DPYSL5: variants seen among roughly 807,000 people sequenced by gnomAD.
The protein encoded by DPYSL5 is dihydropyrimidinase-related protein 5.
Under a neutral mutation model 58.4 loss-of-function variants are expected in DPYSL5, and 9 were observed. That is an observed-to-expected ratio of 0.15 (90% confidence interval 0.09 to 0.27). The LOEUF (loss-of-function observed/expected upper bound fraction) is 0.27. Ranked by LOEUF, DPYSL5 falls within the 10% of genes least tolerant of loss-of-function variation. The pLI is 1.00. For missense variants in DPYSL5, 499 were observed against 770.6 expected (o/e 0.65, Z 4.17); for synonymous variants, 293 against 301.9 (o/e 0.97, Z 0.31).
chr2:26,883,891 A>C (rs1292586301), intron 1 of DPYSL5, among the ~76,000 whole-genome samples: 1 of 152,214 alleles, frequency 6.6e-6, no homozygotes. Context: ...TGGTTAAGAA[A>C]ATACATCCTT....
intron 1 of DPYSL5, among the ~76,000 whole-genome samples, chr2:26,880,184 G>C (rs1362741193): frequency 6.6e-6 from 1 of 152,158 alleles, no homozygotes; most frequent in African/African-American, 2.4e-5. Context: ...CCATCACTGT[G>C]CCAGGCCCAT....
chr2:26,930,714 C>T (rs181637797), intron 5 of DPYSL5, among the ~76,000 whole-genome samples: 108 of 152,124 alleles, frequency 7.1e-4, no homozygotes, highest in African/African-American at 2.4e-3. Context: ...GTGGCTCACA[C>T]CTGTAATCCC....
At chr2:26,881,721 T>G (rs1663566819) in intron 1 of DPYSL5, among the ~76,000 whole-genome samples, 1 of 152,156 alleles carries the variant, frequency 6.6e-6, no homozygotes, top group Non-Finnish European at 1.5e-5. Context: ...ATCTGGTGCC[T>G]CTTTGAAGGG....
intron 2 of DPYSL5, among the ~76,000 whole-genome samples, chr2:26,899,173 T>A (rs1324705583): frequency 6.6e-6 from 1 of 152,138 alleles, no homozygotes; most frequent in Non-Finnish European, 1.5e-5. Flanking sequence ...CAAATTTGCT[T>A]CTTCTAGAGG....
At chr2:26,935,630 A>G (rs1665152438) in intron 8 of DPYSL5, among the ~76,000 whole-genome samples, 1 of 147,984 alleles carries the variant, frequency 6.8e-6, no homozygotes, top group Non-Finnish European at 1.5e-5. Flanking sequence ...CAGAGGTTGC[A>G]GTGAGCTAGG....
At chr2:26,906,233 G>T (rs1375201106) in intron 2 of DPYSL5, among the ~76,000 whole-genome samples, 1 of 150,264 alleles carries the variant, frequency 6.7e-6, no homozygotes, top group Non-Finnish European at 1.5e-5. Flanking sequence ...CACCAGGCTG[G>T]ACTGCAGTGG....
intron 2 of DPYSL5, among the ~76,000 whole-genome samples, chr2:26,901,945 C>T (rs1267491556): frequency 6.6e-6 from 1 of 152,040 alleles, no homozygotes; most frequent in African/African-American, 2.4e-5. Context: ...TCGCTGGCCC[C>T]AGCCTCTGAA....
intron 2 of DPYSL5, among the ~76,000 whole-genome samples, chr2:26,923,225 C>T (rs970502880): frequency 6.6e-6 from 1 of 152,074 alleles, no homozygotes; most frequent in Admixed American, 6.5e-5. Flanking sequence ...CAGCACTTTG[C>T]GAGGCCAAGG....
In DPYSL5 at chr2:26,925,867, G is replaced by C. The variant is rs1055731260; in HGVS notation, c.420+822G>C. Reference sequence around the variant, plus strand: ...GCCCCATGTACCAGTACTTTGGTGGGTGCCCCAGAATCATAAAAATAATAA... The same window carrying C: ...GCCCCATGTACCAGTACTTTGGTGGCTGCCCCAGAATCATAAAAATAATAA... On this transcript the variant is annotated intron_variant, in intron 3 of 12. Coordinates refer to ENST00000288699, the MANE Select transcript of DPYSL5 (RefSeq NM_020134.4). This position sits in a 1 kb window ranked among gnomAD's most constrained non-coding sequence, Gnocchi z 4.5. 6.6e-6 allele frequency among the ~76,000 whole-genome samples: 1 copy of C among 152,134 alleles called. No homozygotes were observed. The highest frequency in any genetic ancestry group is 2.4e-5 in the African/African-American group (1 of 41,480).
At chr2:26,889,791 A>C (rs1291410257) in intron 1 of DPYSL5, among the ~76,000 whole-genome samples, 1 of 151,386 alleles carries the variant, frequency 6.6e-6, no homozygotes, top group African/African-American at 2.4e-5. Flanking sequence ...CCACTCACCC[A>C]CCCTCTGCCT....
At position 26,877,479 on chromosome 2, in the gene DPYSL5, C is replaced by T. The variant is rs1197985983; in HGVS notation, c.-4-21017C>T. Among the ~76,000 whole-genome samples the T allele has an allele frequency of 1.3e-5, 2 of 152,070 alleles. No homozygotes were observed. Among genetic ancestry groups the T allele is most frequent in the African/African-American group, 2.4e-5 (1 of 41,396 alleles). ...TGTGCCTACTACATGTGCTCCACCC[C>T]ACACCTGCTGAGTACATGCTGGGAA... On this transcript the variant is annotated intron_variant, in intron 1 of 12. Transcript: ENST00000288699. The surrounding 1 kb of genome is among the most constrained non-coding windows in gnomAD (Gnocchi z 4.1).
intron 2 of DPYSL5, among the ~76,000 whole-genome samples, chr2:26,917,296 G>A (rs1428699727): frequency 1.3e-5 from 2 of 152,120 alleles, no homozygotes; most frequent in African/African-American, 4.8e-5. Context: ...AGGTAGGAGT[G>A]GAAAGTAAAA....
rs569395202 is a variant in DPYSL5 at position 26,849,411 on chromosome 2, C to T, written c.-5+1157C>T. Among the ~76,000 whole-genome samples the T allele has an allele frequency of 9.1e-4, 138 of 152,054 alleles. No individual in the cohort carries two copies. Among genetic ancestry groups the T allele is most frequent in the African/African-American group, 3.3e-3 (136 of 41,504 alleles). ...GGATCCTCAGCTCCAGGCGCGGGGCCCCGCGGCCCAGGTGGCCGGCTGGGC... is the reference window on the plus strand; with the variant it reads ...GGATCCTCAGCTCCAGGCGCGGGGCTCCGCGGCCCAGGTGGCCGGCTGGGC... On this transcript the variant is annotated intron_variant, in intron 1 of 12. Transcript: ENST00000288699. This position sits in a 1 kb window ranked among gnomAD's most constrained non-coding sequence, Gnocchi z 6.2.
Position 26,933,349 on chromosome 2 carries a change from T to G in DPYSL5, c.790+16T>G. 6.2e-7 allele frequency: 1 copy of G among 1,613,088 alleles called. No individual in the cohort carries two copies. On this transcript the variant is annotated intron_variant, in intron 7 of 12. Coordinates refer to ENST00000288699, the MANE Select transcript of DPYSL5 (RefSeq NM_020134.4). The surrounding 1 kb of genome is among the most constrained non-coding windows in gnomAD (Gnocchi z 4.2). ...AAGATGCAAGGTGAGTCCATAGACT[T>G]GGCTGGACAGAGCAGGTCAAGTGGA... is the stretch of plus-strand genomic sequence containing the variant.
chr2:26,931,520 G>A (rs1037778743), intron 5 of DPYSL5, 120 bp from the exon 6 acceptor site: 12 of 1,157,996 alleles, frequency 1.0e-5, no homozygotes, highest in South Asian at 2.9e-5. Context: ...GCCTCTGCCC[G>A]GGCTTTGCCC....
intron 8 of DPYSL5, chr2:26,939,791 G>A: frequency 2.0e-6 from 1 of 491,430 alleles, no homozygotes; most frequent in Non-Finnish European, 3.7e-6. Context: ...CTATCCCAAG[G>A]CTCTCACTGA....
intron 1 of DPYSL5, among the ~76,000 whole-genome samples, chr2:26,853,450 T>C (rs1665803377): frequency 6.6e-6 from 1 of 152,180 alleles, no homozygotes; most frequent in Non-Finnish European, 1.5e-5. Flanking sequence ...TAGGTTACTG[T>C]TATTATCCTC....
intron 5 of DPYSL5, among the ~76,000 whole-genome samples, chr2:26,929,870 T>G (rs1187085947): frequency 6.6e-6 from 1 of 152,226 alleles, no homozygotes; most frequent in East Asian, 1.9e-4. Flanking sequence ...ATTAGACGAA[T>G]AACGCATTCC....
chr2:26,945,318 T>A (rs1007115620), intron 12 of DPYSL5, among the ~76,000 whole-genome samples: 15 of 151,202 alleles, frequency 9.9e-5, no homozygotes, highest in African/African-American at 2.4e-4. Context: ...TTTTTTTTTT[T>A]ACCAGGAATT....
Sources: gnomAD v4.1 joint callset for allele counts (sites outside exome capture counted in the v4.1 genomes callset) on GRCh38, gnomAD v4.1.1 for gene constraint, Gnocchi (gnomAD v3.1) non-coding constraint, MANE v1.5 for transcripts, NCBI Gene and HGNC (gene_info 2026-07-23, HGNC 2026-07-21) for gene names.